The following TUBAL3 variants were observed in gnomAD, a reference collection of about 807,000 sequenced individuals.
The protein encoded by TUBAL3 is tubulin alpha chain-like 3.
Under a neutral mutation model 15.5 loss-of-function variants are expected in TUBAL3, and 16 were observed. The observed-to-expected ratio is 1.04, with a 90% CI of 0.70 to 1.57. The LOEUF (loss-of-function observed/expected upper bound fraction) is 1.57. TUBAL3 is among the 40% of genes most tolerant of loss of function. The probability of loss-of-function intolerance (pLI) is 0.00; values close to 1 mark genes in which losing one functional copy is unlikely to be tolerated. For missense variants in TUBAL3, 609 were observed against 576.2 expected (o/e 1.06, Z -0.58); for synonymous variants, 238 against 224.3 (o/e 1.06, Z -0.55).
Position 5,395,616 on chromosome 10 carries a change from G to T in TUBAL3, c.248-141C>A. On this transcript the variant is annotated intron_variant, in intron 2 of 3. Transcript: ENST00000380419. This position sits in a 1 kb window ranked among gnomAD's most constrained non-coding sequence, Gnocchi z 4.6. ...GTGGTCCAGGAATGGAATTTAGATA[G>T]TGCTGAATTAGCCCGTCTTAGTCCA... 1.1e-6 allele frequency: 1 copy of T among 951,282 alleles called. No homozygotes were observed. The highest frequency in any genetic ancestry group is 1.4e-6 in the Non-Finnish European group (1 of 689,858). The allele number at this position is 951,282 out of a possible 1,614,324, so 58.9% of individuals were successfully genotyped here. A position where few individuals can be genotyped will look rare whatever the true frequency, so the allele number is the denominator to read the frequency against.
Position 5,394,642 on chromosome 10 carries a change from G to A in TUBAL3, c.397-181C>T, listed in dbSNP as rs967715600. Among the ~76,000 whole-genome samples the A allele has an allele frequency of 6.6e-6, 1 of 152,194 alleles. No individual in the cohort carries two copies. The highest frequency in any genetic ancestry group is 6.5e-5 in the Admixed American group (1 of 15,288). ...TGAAATACTCTCAAGGGGACTTCTG[G>A]AGTAGGCAAAGCACTTCAGAGCTTT... On this transcript the variant is annotated intron_variant, in intron 3 of 3. Transcript: ENST00000380419. This position sits in a 1 kb window ranked among gnomAD's most constrained non-coding sequence, Gnocchi z 4.3.
chr10:5,401,229 G>A lies in TUBAL3; in HGVS notation c.4-142C>T, dbSNP rs567441575. The A allele has an allele frequency of 1.7e-4, 182 of 1,049,042 alleles. 1 individual carries two copies. In the South Asian group the frequency reaches 2.2e-3, roughly 13 times the overall value. The allele number at this position is 1,049,042 out of a possible 1,614,324, so 65.0% of individuals were successfully genotyped here. A position where few individuals can be genotyped will look rare whatever the true frequency, so the allele number is the denominator to read the frequency against. ...ATGTGTTATAAGGATAATCAAAAGC[G>A]TTTCATGGAAACCAAGACCCAGGGT... On this transcript the variant is annotated intron_variant, in intron 1 of 3. Coordinates refer to ENST00000380419, the MANE Select transcript of TUBAL3 (RefSeq NM_024803.3).
In TUBAL3 at chr10:5,396,332, A is replaced by T. The variant is rs1831764059; in HGVS notation, c.248-857T>A. Among the ~76,000 whole-genome samples, 1 of 151,904 alleles carries T rather than the reference A, an allele frequency of 6.6e-6. No homozygotes were observed. On this transcript the variant is annotated intron_variant, in intron 2 of 3. Transcript: ENST00000380419. The surrounding 1 kb of genome is among the most constrained non-coding windows in gnomAD (Gnocchi z 5.1). ...AGACCAGCCTGGCCAACATGGTGAA[A>T]CCCTGTCTCTACTAAAAGTACAGAA...
Position 5,394,295 on chromosome 10 carries a change from A to G in TUBAL3, c.563T>C (p.Val188Ala). ...VYPAPRISTA[V>A]VEPYNSVLTT... ...GAGGACAGAGTTATAAGGCTCTACC[A>G]CAGCAGTGGAGATCCTGGGGGCTGG... The change falls in exon 4 of 4, where the codon GTG (valine) becomes GCG (alanine). Residue 188 changes from valine (V) to alanine (A), a missense_variant. Coordinates refer to ENST00000380419, the MANE Select transcript of TUBAL3 (RefSeq NM_024803.3). The surrounding 1 kb of genome is among the most constrained non-coding windows in gnomAD (Gnocchi z 4.3). 6.2e-7 allele frequency: 1 copy of G among 1,614,148 alleles called. No homozygotes were observed. The highest frequency in any genetic ancestry group is 8.5e-7 in the Non-Finnish European group (1 of 1,180,018).
In TUBAL3 at chr10:5,393,395, G is replaced by C; in HGVS notation, c.*122C>G. The stretch of plus-strand genomic sequence containing the variant: ...CACTTAATTTAGTGTGGAACCTAGA[G>C]TCTTGCCTGATTTGAGTTCATTTTT... On this transcript the variant is annotated 3_prime_UTR_variant, in exon 4 of 4. Coordinates refer to ENST00000380419, the MANE Select transcript of TUBAL3 (RefSeq NM_024803.3). 1.2e-6 allele frequency: 1 copy of C among 802,542 alleles called. No individual in the cohort carries two copies. Among genetic ancestry groups the C allele is most frequent in the Non-Finnish European group, 1.9e-6 (1 of 516,786 alleles). The allele number at this position is 802,542 out of a possible 1,614,324, so 49.7% of individuals were successfully genotyped here. A position where few individuals can be genotyped will look rare whatever the true frequency, so the allele number is the denominator to read the frequency against.
In TUBAL3 at chr10:5,394,836, G is replaced by A. The variant is rs1831738271; in HGVS notation, c.397-375C>T. 6.6e-6 allele frequency among the ~76,000 whole-genome samples: 1 copy of A among 152,152 alleles called. No homozygotes were observed. Among genetic ancestry groups the A allele is most frequent in the African/African-American group, 2.4e-5 (1 of 41,420 alleles). On this transcript the variant is annotated intron_variant, in intron 3 of 3. Coordinates refer to ENST00000380419, the MANE Select transcript of TUBAL3 (RefSeq NM_024803.3). The surrounding 1 kb of genome is among the most constrained non-coding windows in gnomAD (Gnocchi z 4.3). Reference sequence around the variant, plus strand: ...TCCATCTGGCATGCTGGTGTAAAAGGTGTTGTAGTAGCTAACAAATATGAC... The same window carrying A: ...TCCATCTGGCATGCTGGTGTAAAAGATGTTGTAGTAGCTAACAAATATGAC...
Position 5,395,253 on chromosome 10 carries a change from T to C in TUBAL3, c.396+74A>G, listed in dbSNP as rs974309653. ...TGGTGGCGATGGTGACAGCAGATAA[T>C]GCTTGTGAGTTCTGCCGCAGGACCC... On this transcript the variant is annotated intron_variant, in intron 3 of 3. Coordinates refer to ENST00000380419, the MANE Select transcript of TUBAL3 (RefSeq NM_024803.3). The surrounding 1 kb of genome is among the most constrained non-coding windows in gnomAD (Gnocchi z 4.6). The C allele has an allele frequency of 1.5e-6, 2 of 1,373,972 alleles. No homozygotes were observed. The highest frequency in any genetic ancestry group is 3.0e-5 in the African/African-American group (2 of 67,108). The allele number at this position is 1,373,972 out of a possible 1,614,324, so 85.1% of individuals were successfully genotyped here.
At position 5,393,150 on chromosome 10, in the gene TUBAL3, GA is replaced by G. The variant is rs201437110; in HGVS notation, c.*366del. ...CAGTGTAAAAAATGTAGACATGGGG[GA>G]AAAAACATTCGTAATCAACATGTGC... On this transcript the variant is annotated 3_prime_UTR_variant, in exon 4 of 4. Coordinates refer to ENST00000380419, the MANE Select transcript of TUBAL3 (RefSeq NM_024803.3). The G allele has an allele frequency of 8.9e-3, 1,639 of 183,656 alleles. 13 individuals are homozygous for G. Among genetic ancestry groups the G allele is most frequent in the East Asian group, 0.052 (350 of 6,792 alleles). The allele number at this position is 183,656 out of a possible 1,614,324, so 11.4% of individuals were successfully genotyped here.
At position 5,393,694 on chromosome 10, in the gene TUBAL3, G is replaced by A. The variant is rs1831712244; in HGVS notation, c.1164C>T (p.Thr388=). ...GGGCCCAGGCCTCCACAATCGCCGT[G>A]GTGTTGCTCAGCATGCAGATGGACC... ...VHRSICMLSN[T]TAIVEAWARL... The change falls in exon 4 of 4, where the codon ACC becomes ACT. Residue 388 remains threonine (T), a synonymous_variant. Coordinates refer to ENST00000380419, the MANE Select transcript of TUBAL3 (RefSeq NM_024803.3). The A allele has an allele frequency of 1.9e-6, 3 of 1,614,188 alleles. No homozygotes were observed. Among genetic ancestry groups the A allele is most frequent in the Non-Finnish European group, 2.5e-6 (3 of 1,180,040 alleles).
intron 1 of TUBAL3, among the ~76,000 whole-genome samples, chr10:5,402,807 T>C (rs906838440): frequency 6.6e-6 from 1 of 152,258 alleles, no homozygotes; most frequent in Non-Finnish European, 1.5e-5. Context: ...ATCTAACTAA[T>C]GCCTGACGAT....
At chr10:5,400,821 C>T (rs1554814562) in intron 2 of TUBAL3, 23 bp downstream of exon 2, 3 of 1,613,528 alleles carry the variant, frequency 1.9e-6, no homozygotes, top group African/African-American at 1.3e-5. Context: ...GTTAAGTATG[C>T]TAGAATGGAA....
chr10:5,394,107 A>G lies in TUBAL3; in HGVS notation c.751T>C (p.Phe251Leu). The G allele has an allele frequency of 6.2e-7, 1 of 1,614,208 alleles. No individual in the cohort carries two copies. Among genetic ancestry groups the G allele is most frequent in the Non-Finnish European group, 8.5e-7 (1 of 1,180,034 alleles). The change falls in exon 4 of 4, where the codon TTT becomes CTT. Residue 251 changes from phenylalanine to leucine, a missense_variant. Coordinates refer to ENST00000380419, the MANE Select transcript of TUBAL3 (RefSeq NM_024803.3). This position sits in a 1 kb window ranked among gnomAD's most constrained non-coding sequence, Gnocchi z 4.3. ...VVSSITASLRFEGPLNVDLIE... is the reference protein window; with the variant it reads ...VVSSITASLRLEGPLNVDLIE... ...AGGTCTACATTCAAGGGCCCTTCAA[A>G]CCGGAGGGAGGCAGTGATGGAAGAT...
Position 5,395,409 on chromosome 10 carries a change from T to A in TUBAL3, c.314A>T (p.Asp105Val), listed in dbSNP as rs1034261704. 1.2e-6 allele frequency: 2 copies of A among 1,606,368 alleles called. No individual in the cohort carries two copies. The highest frequency in any genetic ancestry group is 1.7e-6 in the Non-Finnish European group (2 of 1,175,490). ...HPEQLLSGKE[D>V]AANNYARGRY... ...GCCTCGCGCGTAATTGTTAGCAGCA[T>A]CCTCCTTTCCGCTAAGGAGCTGCTC... The change falls in exon 3 of 4, where the codon GAT (aspartate) becomes GTT (valine). Residue 105 changes from aspartate to valine, a missense_variant. Transcript: ENST00000380419. This position sits in a 1 kb window ranked among gnomAD's most constrained non-coding sequence, Gnocchi z 4.6.
Position 5,393,439 on chromosome 10 carries a change from AC to A in TUBAL3, c.*77del. ...CATTTTTCTGCTCATCAGGGGAACT[AC>A]CCACTAGGCATATAACGGCTTGAAA... is the stretch of plus-strand genomic sequence containing the variant. On this transcript the variant is annotated 3_prime_UTR_variant, in exon 4 of 4. Coordinates refer to ENST00000380419, the MANE Select transcript of TUBAL3 (RefSeq NM_024803.3). The A allele has an allele frequency of 7.6e-7, 1 of 1,308,670 alleles. No individual in the cohort carries two copies. The highest frequency in any genetic ancestry group is 2.2e-5 in the Admixed American group (1 of 44,574). The allele number at this position is 1,308,670 out of a possible 1,614,324, so 81.1% of individuals were successfully genotyped here.
In TUBAL3 at chr10:5,396,849, G is replaced by A. The variant is rs1554814198; in HGVS notation, c.248-1374C>T. On this transcript the variant is annotated intron_variant, in intron 2 of 3. Transcript: ENST00000380419. This position sits in a 1 kb window ranked among gnomAD's most constrained non-coding sequence, Gnocchi z 5.1. The stretch of plus-strand genomic sequence containing the variant: ...CTTTGGGACGGCTGCCCTGGTTACT[G>A]TGGGATACTGCATTGCTTAGTAGTT... 6.6e-6 allele frequency among the ~76,000 whole-genome samples: 1 copy of A among 152,228 alleles called. No homozygotes were observed. The highest frequency in any genetic ancestry group is 2.4e-5 in the African/African-American group (1 of 41,446).
chr10:5,403,279 C>A (rs538186460), intron 1 of TUBAL3, among the ~76,000 whole-genome samples: 1 of 152,196 alleles, frequency 6.6e-6, no homozygotes, highest in Non-Finnish European at 1.5e-5. Flanking sequence ...CCCCTTCTGT[C>A]GGACTTAAAG....
chr10:5,393,846 C>A lies in TUBAL3; in HGVS notation c.1012G>T (p.Ala338Ser), dbSNP rs782261479. The stretch of plus-strand genomic sequence containing the variant: ...TGCCTCGACTTCGTGGCTGCGATTG[C>A]TGCATTCACTTCCTTGGGGACCACA... ...GDVVPKEVNA[A>S]IAATKSRHSV... is the part of the protein sequence containing the mutation. Residue 338 changes from alanine (A) to serine (S), a missense_variant, in exon 4 of 4, where the codon GCA becomes TCA. Physicochemically the swap from Ala to Ser is moderately conservative, Grantham distance 99 (BLOSUM62 1). Transcript: ENST00000380419. The A allele has an allele frequency of 1.2e-6, 2 of 1,614,086 alleles. No homozygotes were observed. Among genetic ancestry groups the A allele is most frequent in the Admixed American group, 1.7e-5 (1 of 60,014 alleles).
In TUBAL3 at chr10:5,401,049, G is replaced by A. The variant is rs782478971; in HGVS notation, c.42C>T (p.Ile14=). Residue 14 remains isoleucine (I), a synonymous_variant, in exon 2 of 4, where the codon ATC becomes ATT. Transcript: ENST00000380419. The part of the protein sequence containing the change: ...CLSIHIGQAG[I]QIGDACWELY... ...GTTCCCAGCAGGCGTCCCCAATCTG[G>A]ATGCCAGCTTGACCGATGTGGATGG... 2 of 1,614,150 alleles carry A rather than the reference G, an allele frequency of 1.2e-6. No homozygotes were observed. Among genetic ancestry groups the A allele is most frequent in the Admixed American group, 3.3e-5 (2 of 60,020 alleles).
chr10:5,393,962 G>A lies in TUBAL3; in HGVS notation c.896C>T (p.Thr299Ile). The A allele has an allele frequency of 6.2e-7, 1 of 1,614,212 alleles. No individual in the cohort carries two copies. Among genetic ancestry groups the A allele is most frequent in the Non-Finnish European group, 8.5e-7 (1 of 1,180,034 alleles). The change falls in exon 4 of 4, where the codon ACC (threonine) becomes ATC (isoleucine). Residue 299 changes from threonine to isoleucine, a missense_variant. Coordinates refer to ENST00000380419, the MANE Select transcript of TUBAL3 (RefSeq NM_024803.3). Reference protein sequence around the residue: ...YHEQFSVSDITTACFESSNQL... With the variant: ...YHEQFSVSDIITACFESSNQL... The stretch of plus-strand genomic sequence containing the variant: ...GTTGGAGGACTCAAAGCAGGCAGTG[G>A]TGATGTCTGACACAGAGAACTGCTC...
Sources: gnomAD v4.1 joint callset for allele counts (sites outside exome capture counted in the v4.1 genomes callset) on GRCh38, gnomAD v4.1.1 for gene constraint, Gnocchi (gnomAD v3.1) non-coding constraint, MANE v1.5 for transcripts, NCBI Gene and HGNC (gene_info 2026-07-23, HGNC 2026-07-21) for gene names.